Variants in TPRG1 observed in about 807,000 individuals in gnomAD.
TPRG1 encodes the protein tumor protein p63-regulated gene 1 protein.
A neutral mutation model predicts 29.3 loss-of-function variants in TPRG1; 29 were observed. The observed-to-expected ratio is 0.99, with a 90% CI of 0.74 to 1.35. The LOEUF (loss-of-function observed/expected upper bound fraction) is 1.35, where lower values mean the gene tolerates loss of function less well. TPRG1 is among the 40% of genes most tolerant of loss of function. TPRG1 has a pLI of 0.00. For synonymous variants in TPRG1, 130 were observed against 116.8 expected (o/e 1.11, Z -0.73); for missense variants, 327 against 335.0 (o/e 0.98, Z 0.19).
intron 3 of TPRG1, among the ~76,000 whole-genome samples, chr3:189,008,683 T>C (rs1176086916): frequency 2.0e-5 from 3 of 152,102 alleles, no homozygotes; most frequent in Non-Finnish European, 2.9e-5. Flanking sequence ...GATTATTAAT[T>C]TGGGTTTTCT....
chr3:189,149,245 G>A (rs1219145018), intron 4 of TPRG1, among the ~76,000 whole-genome samples: 1 of 152,038 alleles, frequency 6.6e-6, no homozygotes, highest in Non-Finnish European at 1.5e-5. Flanking sequence ...TCTCTGCAGT[G>A]TCTGTTAAGC....
At chr3:189,130,303 G>A (rs143590613) in intron 2 of TPRG1, among the ~76,000 whole-genome samples, 1 of 152,168 alleles carries the variant, frequency 6.6e-6, no homozygotes, top group Non-Finnish European at 1.5e-5. Flanking sequence ...TAGGATCCAT[G>A]ATTCCTTTCT....
chr3:189,207,051 A>G (rs1028428064), intron 1 of TPRG1: 1 of 419,460 alleles, frequency 2.4e-6, no homozygotes, highest in Non-Finnish European at 3.2e-6. Flanking sequence ...CAAAAATGCT[A>G]TGCAATTTTG....
At chr3:189,187,851 C>G (rs990780341) in intron 1 of TPRG1, among the ~76,000 whole-genome samples, 2 of 152,168 alleles carry the variant, frequency 1.3e-5, no homozygotes, top group African/African-American at 4.8e-5. Context: ...GCTTCTTACC[C>G]ATTATCTTCT....
chr3:189,254,660 AT>A (rs1340961930), intron 4 of TPRG1, among the ~76,000 whole-genome samples: 1 of 152,214 alleles, frequency 6.6e-6, no homozygotes, highest in Non-Finnish European at 1.5e-5. Context: ...TGAGCATGGA[AT>A]GTTTTTCCAT....
At chr3:189,262,628 A>C (rs931306152) in intron 4 of TPRG1, among the ~76,000 whole-genome samples, 3 of 152,084 alleles carry the variant, frequency 2.0e-5, no homozygotes, top group African/African-American at 7.2e-5. Context: ...TTTGAAGGAG[A>C]GTTATATGGG....
chr3:189,139,054 G>T (rs1443059910), intron 3 of TPRG1, among the ~76,000 whole-genome samples: 1 of 152,126 alleles, frequency 6.6e-6, no homozygotes, highest in East Asian at 1.9e-4. Flanking sequence ...AAGAAACCCA[G>T]CCAAGTAGAC....
At chr3:189,204,058 A>AC (rs1733932934) in intron 1 of TPRG1, among the ~76,000 whole-genome samples, 1 of 147,758 alleles carries the variant, frequency 6.8e-6, no homozygotes, top group African/African-American at 2.5e-5. Context: ...AAAAAAAAAA[A>AC]AAAACTGAAC....
intron 2 of TPRG1, among the ~76,000 whole-genome samples, chr3:189,002,520 G>T (rs1256509026): frequency 2.0e-5 from 3 of 152,106 alleles, no homozygotes; most frequent in African/African-American, 7.2e-5. Context: ...GGAAGGGCTT[G>T]CCTGGCCATT....
intron 3 of TPRG1, among the ~76,000 whole-genome samples, chr3:189,230,335 G>A (rs1470346452): frequency 6.6e-6 from 1 of 152,040 alleles, no homozygotes; most frequent in African/African-American, 2.4e-5. Flanking sequence ...TCTGGCCTTG[G>A]CTCTGTCACT....
At chr3:189,033,672 C>T (rs867615425) in intron 4 of TPRG1, among the ~76,000 whole-genome samples, 8 of 151,858 alleles carry the variant, frequency 5.3e-5, no homozygotes, top group Non-Finnish European at 8.8e-5. Context: ...CTCCACCTCC[C>T]GGGTTCATGC....
At position 189,113,113 on chromosome 3, in the gene TPRG1, T is replaced by C. The variant is rs1188765251; in HGVS notation, c.-744+12909T>C. Among the ~76,000 whole-genome samples, 3 of 152,230 alleles carry C rather than the reference T, an allele frequency of 2.0e-5. No individual in the cohort carries two copies. In the East Asian group the frequency reaches 5.8e-4, roughly 29 times the overall value. ...TCACGTCCCTTGTAAGTTGGATTCCTAGGTATTTTATTCTCTTTGAAGCAA... is the reference window on the plus strand; with the variant it reads ...TCACGTCCCTTGTAAGTTGGATTCCCAGGTATTTTATTCTCTTTGAAGCAA... On this transcript the variant is annotated intron_variant, in intron 1 of 6. Transcript: ENST00000412373.
chr3:189,258,291 G>T (rs536687579), intron 4 of TPRG1, among the ~76,000 whole-genome samples: 1 of 151,962 alleles, frequency 6.6e-6, no homozygotes, highest in Non-Finnish European at 1.5e-5. Context: ...GTTTGCTGGG[G>T]GTCCACTCCA....
intron 4 of TPRG1, among the ~76,000 whole-genome samples, chr3:189,287,975 TAAA>T (rs919452146): frequency 2.0e-5 from 3 of 151,682 alleles, no homozygotes; most frequent in African/African-American, 7.3e-5. Flanking sequence ...ATTTTTAAAT[TAAA>T]AAAATTTAAG....
intron 1 of TPRG1, 21 bp downstream of exon 1, chr3:189,172,152 AC>A (rs1264981981): frequency 6.6e-6 from 1 of 152,220 alleles, no homozygotes; most frequent in Non-Finnish European, 1.5e-5. Context: ...GTGGCTTGTC[AC>A]TGGTTCTGCA....
chr3:189,248,903 C>A (rs1365930972), intron 4 of TPRG1, among the ~76,000 whole-genome samples: 2 of 151,172 alleles, frequency 1.3e-5, no homozygotes, highest in African/African-American at 4.8e-5. Flanking sequence ...TTTCTACTTT[C>A]TCTCTCCTTG....
In TPRG1 at chr3:189,259,947, A is replaced by G. The variant is rs114677749; in HGVS notation, c.479+21038A>G. ...CTAATTCTTACTTGTTCTCAAATGC[A>G]TTGTAATTTTTGATGGTCACTAAGC... On this transcript the variant is annotated intron_variant, in intron 4 of 5. Transcript: ENST00000345063. 2.9e-3 allele frequency among the ~76,000 whole-genome samples: 445 copies of G among 152,190 alleles called. 5 individuals carry two copies. Among genetic ancestry groups the G allele is most frequent in the African/African-American group, 9.9e-3 (413 of 41,514 alleles).
rs974320441 is a variant in TPRG1 at position 189,277,060 on chromosome 3, G to T, written c.480-33326G>T. The stretch of plus-strand genomic sequence containing the variant: ...TGCAGCACTGGGTGAGACGCTGCTC[G>T]AGGAGGAATTAGCTGAACTGTGGTG... On this transcript the variant is annotated intron_variant, in intron 4 of 5. Transcript: ENST00000345063. Among the ~76,000 whole-genome samples, 14 of 152,210 alleles carry T rather than the reference G, an allele frequency of 9.2e-5. 1 individual carries two copies. The highest frequency in any genetic ancestry group is 3.9e-4 in the Admixed American group (6 of 15,288).
At chr3:189,036,666 T>C (rs1318232592) in intron 4 of TPRG1, among the ~76,000 whole-genome samples, 1 of 151,884 alleles carries the variant, frequency 6.6e-6, no homozygotes, top group Non-Finnish European at 1.5e-5. Context: ...ACAAATAAGT[T>C]TGAATTCTTT....
Sources: allele counts gnomAD v4.1 joint callset (sites outside exome capture counted in the v4.1 genomes callset), GRCh38; gene constraint gnomAD v4.1.1; transcripts MANE v1.5; gene names NCBI Gene and HGNC (gene_info 2026-07-23, HGNC 2026-07-21).